DPCD: variants seen among roughly 807,000 people sequenced by gnomAD.
DPCD encodes the protein protein DPCD.
In DPCD, 20 loss-of-function variants were observed where a neutral mutation model predicts 26.4. The ratio of observed to expected loss-of-function variants is 0.76; its 90% CI spans 0.53 to 1.10. The LOEUF (loss-of-function observed/expected upper bound fraction) is 1.10. Ranked by LOEUF, DPCD falls within the 50% of genes least tolerant of loss-of-function variation. The pLI is 0.00. For synonymous variants in DPCD, 97 were observed against 94.2 expected, an observed-to-expected ratio of 1.03 and a Z score of -0.17; for missense variants, 202 against 253.9, an observed-to-expected ratio of 0.80 and a Z score of 1.39.
chr10:101,607,835 A>G (rs1379929174), intron 4 of DPCD, among the ~76,000 whole-genome samples: 6 of 152,240 alleles, frequency 3.9e-5, no homozygotes, highest in Non-Finnish European at 8.8e-5. Flanking sequence ...GCCAGAGCCT[A>G]AGCCACATTT....
chr10:101,606,612 C>A (rs60209517), intron 4 of DPCD, among the ~76,000 whole-genome samples: 1 of 152,174 alleles, frequency 6.6e-6, no homozygotes, highest in Non-Finnish European at 1.5e-5. Flanking sequence ...TCACCAGGCC[C>A]GCCCTCTTCT....
Position 101,603,424 on chromosome 10 carries a change from TTTTTTA to T in DPCD, c.404+2104_404+2109del, listed in dbSNP as rs559713571. ...GGGGTTACAGCCTGCATAGACATTCTTTTTTATTTTTATTTTTATTTATTTATTTTT... is the reference window on the plus strand; with the variant it reads ...GGGGTTACAGCCTGCATAGACATTCTTTTTTATTTTTATTTATTTATTTTT... On this transcript the variant is annotated intron_variant, in intron 4 of 5. Transcript: ENST00000370151. The surrounding 1 kb of genome is among the most constrained non-coding windows in gnomAD (Gnocchi z 4.6). 6.8e-4 allele frequency among the ~76,000 whole-genome samples: 104 copies of T among 152,214 alleles called. No homozygotes were observed. Among genetic ancestry groups the T allele is most frequent in the African/African-American group, 2.0e-3 (84 of 41,576 alleles).
At chr10:101,602,541 A>G (rs2063705584) in intron 4 of DPCD, among the ~76,000 whole-genome samples, 1 of 152,234 alleles carries the variant, frequency 6.6e-6, no homozygotes, top group Non-Finnish European at 1.5e-5. Flanking sequence ...ATATAAAGTC[A>G]TAATAATAAG....
At chr10:101,595,123 C>G (rs1038529376) in intron 2 of DPCD, among the ~76,000 whole-genome samples, 2 of 152,128 alleles carry the variant, frequency 1.3e-5, no homozygotes, top group African/African-American at 4.8e-5. Context: ...GTTTTGTTTT[C>G]TAAAGCCACA....
intron 1 of DPCD, among the ~76,000 whole-genome samples, chr10:101,591,996 A>T (rs1287739916): frequency 6.6e-6 from 1 of 151,920 alleles, no homozygotes; most frequent in Non-Finnish European, 1.5e-5. Context: ...CATAATTTAT[A>T]TTTTTATACA....
intron 2 of DPCD, among the ~76,000 whole-genome samples, chr10:101,596,098 T>G (rs934379343): frequency 1.3e-5 from 2 of 152,218 alleles, no homozygotes; most frequent in African/African-American, 4.8e-5. Flanking sequence ...GATATGAAAC[T>G]GAAATTAAAA....
intron 1 of DPCD, among the ~76,000 whole-genome samples, chr10:101,588,884 A>G (rs144054825): frequency 6.0e-4 from 92 of 152,298 alleles, no homozygotes; most frequent in African/African-American, 2.1e-3. Context: ...ATGGACTACC[A>G]TTGTTATCTC....
At chr10:101,607,911 G>A (rs1345692983) in intron 4 of DPCD, among the ~76,000 whole-genome samples, 4 of 152,202 alleles carry the variant, frequency 2.6e-5, no homozygotes, top group Non-Finnish European at 5.9e-5. Context: ...GTGCTTTGGT[G>A]TAGTAAGGAT....
chr10:101,595,623 G>A (rs182277627), intron 2 of DPCD, among the ~76,000 whole-genome samples: 8 of 152,260 alleles, frequency 5.3e-5, no homozygotes, highest in African/African-American at 1.9e-4. Context: ...GTCTAGAACC[G>A]ACAACATGGA....
intron 4 of DPCD, among the ~76,000 whole-genome samples, chr10:101,605,573 C>CTACAAGCCTTT (rs1247677928): frequency 2.6e-5 from 4 of 152,262 alleles, no homozygotes; most frequent in African/African-American, 9.6e-5. Flanking sequence ...AGGAGTTCTG[C>CTACAAGCCTTT]TACAAGCCTT....
At chr10:101,593,935 G>C (rs2134756728) in intron 1 of DPCD, among the ~76,000 whole-genome samples, 1 of 152,182 alleles carries the variant, frequency 6.6e-6, no homozygotes, top group African/African-American at 2.4e-5. Context: ...TTGGTCTTTA[G>C]GAAACCATAG....
intron 1 of DPCD, 113 bp downstream of exon 1, chr10:101,588,513 G>A (rs2063522654): frequency 6.7e-7 from 1 of 1,500,068 alleles, no homozygotes; most frequent in African/African-American, 1.4e-5. Flanking sequence ...GCGGTCAGCC[G>A]GGCCAGGTCC....
At chr10:101,596,984 A>G (rs2063656692) in intron 2 of DPCD, among the ~76,000 whole-genome samples, 1 of 152,308 alleles carries the variant, frequency 6.6e-6, no homozygotes. Flanking sequence ...TAAGCATGTT[A>G]GTGTCCTGTT....
At chr10:101,604,228 G>A (rs1564895638) in intron 4 of DPCD, among the ~76,000 whole-genome samples, 1 of 152,194 alleles carries the variant, frequency 6.6e-6, no homozygotes, top group Non-Finnish European at 1.5e-5. Flanking sequence ...TTATTCTTGT[G>A]TTATAGATGA....
At chr10:101,599,514 C>G (rs1477411154) in intron 2 of DPCD, among the ~76,000 whole-genome samples, 1 of 152,252 alleles carries the variant, frequency 6.6e-6, no homozygotes, top group East Asian at 1.9e-4. Flanking sequence ...CAGAATGCAG[C>G]AGACCTTATA....
intron 2 of DPCD, among the ~76,000 whole-genome samples, chr10:101,598,329 T>TA (rs1221867924): frequency 6.6e-6 from 1 of 152,022 alleles, no homozygotes; most frequent in African/African-American, 2.4e-5. Flanking sequence ...AGGCCAAATA[T>TA]AAAAAATAAA....
At chr10:101,606,514 G>A (rs1013209544) in intron 4 of DPCD, among the ~76,000 whole-genome samples, 3 of 151,384 alleles carry the variant, frequency 2.0e-5, no homozygotes, top group South Asian at 2.1e-4. Context: ...ACAGGGTCTC[G>A]CTATGTTGCC....
At chr10:101,588,423 C>A in intron 1 of DPCD, 23 bp downstream of exon 1, 1 of 1,574,516 alleles carries the variant, frequency 6.4e-7, no homozygotes, top group Non-Finnish European at 8.6e-7. Flanking sequence ...TCCCCACGGG[C>A]TCCTTCGTTT....
chr10:101,599,437 C>T (rs753176020), intron 2 of DPCD, among the ~76,000 whole-genome samples: 1 of 152,190 alleles, frequency 6.6e-6, no homozygotes, highest in Non-Finnish European at 1.5e-5. Context: ...TATTAATTTT[C>T]ATTATAAACT....
Sources: gnomAD v4.1 joint callset for allele counts (sites outside exome capture counted in the v4.1 genomes callset) on GRCh38, gnomAD v4.1.1 for gene constraint, Gnocchi (gnomAD v3.1) non-coding constraint, MANE v1.5 for transcripts, NCBI Gene and HGNC (gene_info 2026-07-23, HGNC 2026-07-21) for gene names.